PLEKHA3: variants seen among roughly 807,000 people sequenced by gnomAD.
The protein encoded by PLEKHA3 is pleckstrin homology domain containing A3.
In PLEKHA3, 19 loss-of-function variants were observed where a neutral mutation model predicts 39.2. The observed-to-expected ratio is 0.48, with a 90% CI of 0.34 to 0.71. PLEKHA3 has a LOEUF of 0.71. Ranked by LOEUF, PLEKHA3 falls within the 30% of genes least tolerant of loss-of-function variation. The probability of loss-of-function intolerance (pLI) is 0.01; values close to 1 mark genes in which losing one functional copy is unlikely to be tolerated. For synonymous variants in PLEKHA3, 97 were observed against 118.6 expected, an observed-to-expected ratio of 0.82 and a Z score of 1.18; for missense variants, 253 against 359.5, an observed-to-expected ratio of 0.70 and a Z score of 2.40.
At position 178,491,126 on chromosome 2, in the gene PLEKHA3, T is replaced by C. The variant is rs532504043; in HGVS notation, c.313+312T>C. 4.2e-4 allele frequency among the ~76,000 whole-genome samples: 63 copies of C among 151,100 alleles called. 1 individual carries two copies. In the East Asian group the frequency reaches 0.011, roughly 26 times the overall value. On this transcript the variant is annotated intron_variant, in intron 3 of 7. Coordinates refer to ENST00000234453, the MANE Select transcript of PLEKHA3 (RefSeq NM_019091.4). ...CCTGGGTTCAAGCGATTCTCCAGCC[T>C]CAGCTTCCCGAGTAGCTGGGATTAC...
Position 178,511,333 on chromosome 2 carries a change from T to C in PLEKHA3, c.*7446T>C, listed in dbSNP as rs1685681219. 1 of 152,192 alleles carries C rather than the reference T, an allele frequency of 6.6e-6. No homozygotes were observed. Among genetic ancestry groups the C allele is most frequent in the Non-Finnish European group, 1.5e-5 (1 of 68,088 alleles). 9.4% of individuals were successfully genotyped at this position (152,192 alleles called of 1,614,324 possible). On this transcript the variant is annotated 3_prime_UTR_variant, in exon 8 of 8. Coordinates refer to ENST00000234453, the MANE Select transcript of PLEKHA3 (RefSeq NM_019091.4). ...TTATTGTCTTTATTGGGTCCCCTTA[T>C]TATCTGCTTTGATATCCATCTCTGG...
At chr2:178,481,003 G>A (rs1685153756) in intron 1 of PLEKHA3, 94 bp downstream of exon 1, 3 of 1,154,234 alleles carry the variant, frequency 2.6e-6, no homozygotes, top group Admixed American at 3.2e-5. Flanking sequence ...GGCCTCCGCG[G>A]ACCCTCAGAG....
rs1303564538 is a variant in PLEKHA3, at chr2:178,511,281, A to G, written c.*7394A>G. 1.3e-5 allele frequency: 2 copies of G among 151,422 alleles called. No individual in the cohort carries two copies. The highest frequency in any genetic ancestry group is 1.3e-4 in the Admixed American group (2 of 15,228). 9.4% of individuals were successfully genotyped at this position (151,422 alleles called of 1,614,324 possible). On this transcript the variant is annotated 3_prime_UTR_variant, in exon 8 of 8. Transcript: ENST00000234453. Reference sequence around the variant, plus strand: ...TGCCTGCTATTAGCTTGATGCTGGCATTTTCTTCTTTCCCTGGATGTGACT... The same window carrying G: ...TGCCTGCTATTAGCTTGATGCTGGCGTTTTCTTCTTTCCCTGGATGTGACT...
intron 3 of PLEKHA3, among the ~76,000 whole-genome samples, chr2:178,492,592 T>C (rs1261010920): frequency 6.7e-6 from 1 of 150,066 alleles, no homozygotes; most frequent in East Asian, 2.0e-4. Flanking sequence ...CTGCACATTG[T>C]GCACATGTAC....
chr2:178,502,206 T>G (rs1295632085), intron 7 of PLEKHA3: 1 of 187,716 alleles, frequency 5.3e-6, no homozygotes, highest in Non-Finnish European at 1.1e-5. Context: ...TGGTCATTTT[T>G]GGATTTTTAG....
In PLEKHA3 at chr2:178,504,576, C is replaced by G. The variant is rs958266022; in HGVS notation, c.*689C>G. On this transcript the variant is annotated 3_prime_UTR_variant, in exon 8 of 8. Transcript: ENST00000234453. ...GATGATTGCATTCTAACTTTTGTGA[C>G]CTACCAAATTTAAGATGTGTATACG... 2 of 152,228 alleles carry G rather than the reference C, an allele frequency of 1.3e-5. No individual in the cohort carries two copies. The highest frequency in any genetic ancestry group is 2.9e-5 in the Non-Finnish European group (2 of 67,842). 9.4% of individuals were successfully genotyped at this position (152,228 alleles called of 1,614,324 possible).
Position 178,484,019 on chromosome 2 carries a change from G to C in PLEKHA3, c.41-1622G>C, listed in dbSNP as rs6732901. Among the ~76,000 whole-genome samples, 5 of 152,344 alleles carry C rather than the reference G, an allele frequency of 3.3e-5. No homozygotes were observed. In the East Asian group the frequency reaches 9.6e-4, roughly 29 times the overall value. Reference sequence around the variant, plus strand: ...TTGAGCCTAGGAGGTTGAGGCTGTGGTGAGCCATGTTCATGCCACTGCACT... The same window carrying C: ...TTGAGCCTAGGAGGTTGAGGCTGTGCTGAGCCATGTTCATGCCACTGCACT... On this transcript the variant is annotated intron_variant, in intron 1 of 7. Transcript: ENST00000234453.
rs1685595372 is a variant in PLEKHA3, at chr2:178,505,891, G to A, written c.*2004G>A. ...TAAGTATGTCTTTTGTTATGACTTG[G>A]AGCCACTTTTTGTTGTTATTGTTAG... On this transcript the variant is annotated 3_prime_UTR_variant, in exon 8 of 8. Coordinates refer to ENST00000234453, the MANE Select transcript of PLEKHA3 (RefSeq NM_019091.4). 2 of 152,058 alleles carry A rather than the reference G, an allele frequency of 1.3e-5. No individual in the cohort carries two copies. Among genetic ancestry groups the A allele is most frequent in the South Asian group, 4.1e-4 (2 of 4,826 alleles). The allele number at this position is 152,058 out of a possible 1,614,324, so 9.4% of individuals were successfully genotyped here.
intron 3 of PLEKHA3, among the ~76,000 whole-genome samples, chr2:178,491,875 T>A (rs1207951327): frequency 6.6e-6 from 1 of 152,086 alleles, no homozygotes; most frequent in African/African-American, 2.4e-5. Flanking sequence ...AAAGCGGGTG[T>A]GTGCGGAAAG....
chr2:178,482,445 G>GA (rs1430994785), intron 1 of PLEKHA3, among the ~76,000 whole-genome samples: 1 of 150,492 alleles, frequency 6.6e-6, no homozygotes, highest in African/African-American at 2.4e-5. Context: ...AGGCGGAGGC[G>GA]AAAGGATTGC....
At chr2:178,492,991 T>C (rs1172628429) in intron 3 of PLEKHA3, among the ~76,000 whole-genome samples, 1 of 152,220 alleles carries the variant, frequency 6.6e-6, no homozygotes, top group Non-Finnish European at 1.5e-5. Context: ...TGATTTAGGT[T>C]AGATTAAATG....
At chr2:178,500,769 G>A (rs994906005) in intron 6 of PLEKHA3, among the ~76,000 whole-genome samples, 1 of 151,934 alleles carries the variant, frequency 6.6e-6, no homozygotes, top group African/African-American at 2.4e-5. Flanking sequence ...TCAAACATTT[G>A]TAAACCGACT....
At position 178,503,779 on chromosome 2, in the gene PLEKHA3, A is replaced by C; in HGVS notation, c.795A>C (p.Lys265Asn). The change falls in exon 8 of 8, where the codon AAA becomes AAC. Residue 265 changes from lysine (K) to asparagine (N), a missense_variant. Coordinates refer to ENST00000234453, the MANE Select transcript of PLEKHA3 (RefSeq NM_019091.4). ...EDPDRPVHCS[K>N]NTLNGDLASA... Reference sequence around the variant, plus strand: ...TCATAGGACCTGTTCACTGTTCAAAAAATACACTTAATGGAGATTTGGCAT... The same window carrying C: ...TCATAGGACCTGTTCACTGTTCAAACAATACACTTAATGGAGATTTGGCAT... 6.2e-7 allele frequency: 1 copy of C among 1,611,700 alleles called. No homozygotes were observed. Among genetic ancestry groups the C allele is most frequent in the Non-Finnish European group, 8.5e-7 (1 of 1,178,180 alleles).
intron 7 of PLEKHA3, among the ~76,000 whole-genome samples, chr2:178,502,067 G>T (rs529453468): frequency 9.2e-5 from 14 of 152,014 alleles, no homozygotes; most frequent in Middle Eastern, 6.8e-3. Context: ...TGGCTGAAAT[G>T]GGACAAAACA....
chr2:178,486,282 C>T (rs559664124), intron 2 of PLEKHA3, among the ~76,000 whole-genome samples: 2 of 152,208 alleles, frequency 1.3e-5, no homozygotes, highest in African/African-American at 4.8e-5. Context: ...CTGTAATTTT[C>T]GTGAAGGAAG....
rs1486182986 is a variant in PLEKHA3 at position 178,513,866 on chromosome 2, A to G, written c.*9979A>G. 6.6e-6 allele frequency: 1 copy of G among 152,132 alleles called. No homozygotes were observed. Among genetic ancestry groups the G allele is most frequent in the Non-Finnish European group, 1.5e-5 (1 of 68,020 alleles). 9.4% of individuals were successfully genotyped at this position (152,132 alleles called of 1,614,324 possible). ...GTAATTAAAAGTCTTCATTTGACAA[A>G]TTTATATGGTAAATGAGCATAAAAT... On this transcript the variant is annotated 3_prime_UTR_variant, in exon 8 of 8. Transcript: ENST00000234453.
chr2:178,489,548 G>A (rs1043124808), intron 2 of PLEKHA3, among the ~76,000 whole-genome samples: 1 of 145,490 alleles, frequency 6.9e-6, no homozygotes, highest in Non-Finnish European at 1.5e-5. Context: ...GCCTGTACTG[G>A]GCTCCAGCGA....
intron 3 of PLEKHA3, 149 bp downstream of exon 3, chr2:178,490,963 TG>T: frequency 1.6e-6 from 1 of 617,036 alleles, no homozygotes; most frequent in South Asian, 3.7e-5. Context: ...GTAAACATTT[TG>T]TAAAAGCTAT....
chr2:178,489,588 G>C (rs998829955), intron 2 of PLEKHA3, among the ~76,000 whole-genome samples: 1 of 150,606 alleles, frequency 6.6e-6, no homozygotes, highest in Admixed American at 6.6e-5. Flanking sequence ...CGCCTCCCAA[G>C]TTGCTGGGTC....
Sources: allele counts gnomAD v4.1 joint callset (sites outside exome capture counted in the v4.1 genomes callset), GRCh38; gene constraint gnomAD v4.1.1; transcripts MANE v1.5; gene names NCBI Gene and HGNC (gene_info 2026-07-23, HGNC 2026-07-21).